The following CNTNAP2 variants were observed in gnomAD, a reference collection of about 807,000 sequenced individuals.
CNTNAP2 encodes the protein contactin associated protein 2.
A neutral mutation model predicts 155.2 loss-of-function variants in CNTNAP2; 98 were observed. That is an observed-to-expected ratio of 0.63 (90% CI 0.54 to 0.75). The LOEUF (loss-of-function observed/expected upper bound fraction) is 0.75, where lower values mean the gene tolerates loss of function less well. Ranked by LOEUF, CNTNAP2 falls within the 30% of genes least tolerant of loss-of-function variation. The probability of loss-of-function intolerance (pLI) is 0.00; values close to 1 mark genes in which losing one functional copy is unlikely to be tolerated. For missense variants in CNTNAP2, 1,727 were observed against 1,688.1 expected, an observed-to-expected ratio of 1.02 and a Z score of -0.40; for synonymous variants, 651 against 631.2, an observed-to-expected ratio of 1.03 and a Z score of -0.47.
intron 1 of CNTNAP2, among the ~76,000 whole-genome samples, chr7:146,639,884 A>G (rs901422174): frequency 6.6e-6 from 1 of 152,228 alleles, no homozygotes; most frequent in African/African-American, 2.4e-5. Context: ...AAGAAGAGGG[A>G]AGGCAGTCTG....
At chr7:147,565,668 GA>G (rs1310046517) in intron 12 of CNTNAP2, among the ~76,000 whole-genome samples, 1 of 152,188 alleles carries the variant, frequency 6.6e-6, no homozygotes, top group Non-Finnish European at 1.5e-5. Flanking sequence ...AATGTTTAAA[GA>G]GAGACAGTTA....
At chr7:147,685,168 T>G (rs148564531) in intron 13 of CNTNAP2, among the ~76,000 whole-genome samples, 2,498 of 152,140 alleles carry the variant, frequency 0.016, 223 homozygotes, top group Admixed American at 0.15. Context: ...TGCCATATGC[T>G]TTAAAACAGA....
chr7:147,132,380 A>G lies in CNTNAP2; in HGVS notation c.1219A>G (p.Asn407Asp), dbSNP rs753257558. 6.2e-7 allele frequency: 1 copy of G among 1,613,682 alleles called. No homozygotes were observed. Among genetic ancestry groups the G allele is most frequent in the Admixed American group, 1.7e-5 (1 of 59,896 alleles). Residue 407 changes from asparagine to aspartate, a missense_variant, in exon 8 of 24, where the codon AAT (asparagine) becomes GAT (aspartate). Asn to Asp is a conservative substitution (Grantham distance 23, BLOSUM62 1). Coordinates refer to ENST00000361727, the MANE Select transcript of CNTNAP2 (RefSeq NM_014141.6). ...TTTCCAGTTTAGGACATGGAACCCC[A>G]ATGGTCTCCTGGTCTTCAGTCACTT... ...VSFQFRTWNP[N>D]GLLVFSHFAD...
intron 3 of CNTNAP2, among the ~76,000 whole-genome samples, chr7:146,959,265 G>A (rs372348591): frequency 6.6e-6 from 1 of 151,968 alleles, no homozygotes; most frequent in Admixed American, 6.6e-5. Flanking sequence ...TGATCTGTCC[G>A]CCTCGGCCTC....
chr7:147,911,641 G>A (rs111435172), intron 14 of CNTNAP2, among the ~76,000 whole-genome samples: 22 of 152,260 alleles, frequency 1.4e-4, no homozygotes, highest in African/African-American at 3.6e-4. Flanking sequence ...CACCACCATC[G>A]TTCTATTTTC....
At chr7:146,195,134 C>T (rs1798757109) in intron 1 of CNTNAP2, 1 of 152,160 alleles carries the variant, frequency 6.6e-6, no homozygotes, top group Non-Finnish European at 1.5e-5. Context: ...TACCAAGTGT[C>T]TTCAGCCTTG....
chr7:146,597,162 G>T (rs1474078002), intron 1 of CNTNAP2, among the ~76,000 whole-genome samples: 1 of 152,058 alleles, frequency 6.6e-6, no homozygotes, highest in East Asian at 1.9e-4. Context: ...GCATGGCATT[G>T]ATCATCACTG....
intron 14 of CNTNAP2, among the ~76,000 whole-genome samples, chr7:147,906,783 A>G (rs988915917): frequency 6.6e-6 from 1 of 152,050 alleles, no homozygotes; most frequent in African/African-American, 2.4e-5. Context: ...TTAAAGATAT[A>G]TATTAGCCTC....
At chr7:147,356,888 G>C (rs553029681) in intron 9 of CNTNAP2, among the ~76,000 whole-genome samples, 13 of 152,164 alleles carry the variant, frequency 8.5e-5, no homozygotes, top group African/African-American at 3.1e-4. Flanking sequence ...CTTGAGCAAA[G>C]TTTTACTGCA....
chr7:148,209,128 G>A (rs1169368697), intron 18 of CNTNAP2, among the ~76,000 whole-genome samples: 1 of 152,006 alleles, frequency 6.6e-6, no homozygotes. Flanking sequence ...GTTCAAAGCT[G>A]AACTTTGTTG....
intron 2 of CNTNAP2, among the ~76,000 whole-genome samples, chr7:146,786,105 C>G (rs532925961): frequency 2.7e-4 from 41 of 152,136 alleles, no homozygotes; most frequent in Admixed American, 8.5e-4. Flanking sequence ...AAGTTTAGGC[C>G]ATAAAAAAAC....
intron 8 of CNTNAP2, among the ~76,000 whole-genome samples, chr7:147,290,621 T>C (rs1464242441): frequency 6.9e-6 from 1 of 144,830 alleles, no homozygotes. Context: ...AGGTGGAGGT[T>C]GCAGTGGGCT....
chr7:148,049,559 T>C (rs1246676968), intron 15 of CNTNAP2, among the ~76,000 whole-genome samples: 1 of 152,198 alleles, frequency 6.6e-6, no homozygotes, highest in East Asian at 1.9e-4. Context: ...CAATGTCGTT[T>C]AGTCGACAGT....
intron 8 of CNTNAP2, among the ~76,000 whole-genome samples, chr7:147,148,003 G>A (rs2129288749): frequency 6.6e-6 from 1 of 152,024 alleles, no homozygotes; most frequent in East Asian, 1.9e-4. Flanking sequence ...AAGCACTGAG[G>A]GTATAAACAG....
At chr7:146,413,923 A>T (rs192558134) in intron 1 of CNTNAP2, among the ~76,000 whole-genome samples, 1 of 152,334 alleles carries the variant, frequency 6.6e-6, no homozygotes, top group African/African-American at 2.4e-5. Flanking sequence ...TAGTGGAAGA[A>T]TTAGAGTATT....
Position 147,128,757 on chromosome 7 carries a change from G to T in CNTNAP2, c.1004G>T (p.Gly335Val). The T allele has an allele frequency of 6.2e-7, 1 of 1,614,046 alleles. No individual in the cohort carries two copies. The highest frequency in any genetic ancestry group is 8.5e-7 in the Non-Finnish European group (1 of 1,179,962). Reference sequence around the variant, plus strand: ...TCCAGCAGTAGAAAGAATTTCAAAGGCTGCATGGAAAGCATCAACTACAAT... The same window carrying T: ...TCCAGCAGTAGAAAGAATTTCAAAGTCTGCATGGAAAGCATCAACTACAAT... ...PSSSSRKNFK[G>V]CMESINYNGV... The change falls in exon 7 of 24, where the codon GGC (glycine) becomes GTC (valine). Residue 335 changes from glycine to valine, a missense_variant. By Grantham distance (109) the Gly-to-Val change is moderately radical (BLOSUM62 -3). Coordinates refer to ENST00000361727, the MANE Select transcript of CNTNAP2 (RefSeq NM_014141.6).
chr7:146,571,794 T>A (rs1343705824), intron 1 of CNTNAP2, among the ~76,000 whole-genome samples: 1 of 151,466 alleles, frequency 6.6e-6, no homozygotes, highest in Non-Finnish European at 1.5e-5. Context: ...TGCAGTGGCA[T>A]GACCTCGGCT....
intron 1 of CNTNAP2, among the ~76,000 whole-genome samples, chr7:146,729,571 G>A (rs1220239429): frequency 1.3e-5 from 2 of 151,190 alleles, no homozygotes; most frequent in Non-Finnish European, 2.9e-5. Flanking sequence ...TTAAATATAT[G>A]TATATATATA....
At chr7:146,838,791 A>C (rs73170353) in intron 2 of CNTNAP2, among the ~76,000 whole-genome samples, 1 of 152,290 alleles carries the variant, frequency 6.6e-6, no homozygotes, top group Non-Finnish European at 1.5e-5. Flanking sequence ...TAAATTCCTT[A>C]TTTAAAAAAT....
Sources: allele counts gnomAD v4.1 joint callset (sites outside exome capture counted in the v4.1 genomes callset), GRCh38; gene constraint gnomAD v4.1.1; transcripts MANE v1.5; gene names NCBI Gene and HGNC (gene_info 2026-07-23, HGNC 2026-07-21).